The following ZBTB7C variants were observed in gnomAD, a reference collection of about 807,000 sequenced individuals.
ZBTB7C encodes the protein zinc finger and BTB domain containing 7C.
ZBTB7C carries 8 observed loss-of-function variants against 25.7 expected under a neutral mutation model. The observed-to-expected ratio is 0.31, with a 90% confidence interval of 0.18 to 0.56. ZBTB7C has a LOEUF of 0.56. ZBTB7C is among the 20% of genes least tolerant of loss of function. The probability of loss-of-function intolerance (pLI) is 0.91; values close to 1 mark genes in which losing one functional copy is unlikely to be tolerated. For synonymous variants in ZBTB7C, 394 were observed against 369.0 expected (o/e 1.07, Z -0.78); for missense variants, 824 against 855.2 (o/e 0.96, Z 0.46).
At position 48,027,013 on chromosome 18, in the gene ZBTB7C, G is replaced by C. The variant is rs2035545726; in HGVS notation, c.*2247C>G. The C allele has an allele frequency of 6.6e-6, 1 of 151,040 alleles. No individual in the cohort carries two copies. Among genetic ancestry groups the C allele is most frequent in the Non-Finnish European group, 1.5e-5 (1 of 67,936 alleles). 9.4% of individuals were successfully genotyped at this position (151,040 alleles called of 1,614,324 possible). On this transcript the variant is annotated 3_prime_UTR_variant, in exon 5 of 5. Transcript: ENST00000590800. ...GAATCACTAAGGCAAACTTTGTTGA[G>C]TGTCATTTTACGTAGAGCAATCACA...
rs138170542 is a variant in ZBTB7C, at chr18:48,116,423, G to A, written c.-17+69511C>T. Among the ~76,000 whole-genome samples the A allele has an allele frequency of 2.6e-4, 40 of 152,312 alleles. No homozygotes were observed. In the East Asian group the frequency reaches 7.7e-3, roughly 29 times the overall value. On this transcript the variant is annotated intron_variant, in intron 3 of 4. Transcript: ENST00000590800. ...CAGCCTCTTCCCAGGACCTACCAGC[G>A]ATGGCATTTGGAGAGCCATCCCATG...
intron 2 of ZBTB7C, among the ~76,000 whole-genome samples, chr18:48,208,296 G>C (rs2042626595): frequency 6.6e-6 from 1 of 152,120 alleles, no homozygotes; most frequent in Non-Finnish European, 1.5e-5. Flanking sequence ...TACTTTTGGA[G>C]TGTGAGTCAG....
chr18:48,050,802 T>C (rs2036656141), intron 3 of ZBTB7C, among the ~76,000 whole-genome samples: 1 of 152,118 alleles, frequency 6.6e-6, no homozygotes, highest in African/African-American at 2.4e-5. Context: ...CACTCAAGTC[T>C]CTGCTTCATG....
intron 2 of ZBTB7C, among the ~76,000 whole-genome samples, chr18:48,308,114 T>C (rs924335801): frequency 6.6e-6 from 1 of 152,200 alleles, no homozygotes; most frequent in Non-Finnish European, 1.5e-5. Context: ...CAGCCATGTA[T>C]GGCCATGTGA....
chr18:48,173,521 C>T (rs780473614), intron 3 of ZBTB7C, among the ~76,000 whole-genome samples: 11 of 152,186 alleles, frequency 7.2e-5, no homozygotes, highest in South Asian at 2.1e-4. Context: ...ATGATACGTC[C>T]CCCCTTCCCA....
rs186538004 is a variant in ZBTB7C at position 48,142,506 on chromosome 18, G to A, written c.-17+43428C>T. 6.3e-3 allele frequency among the ~76,000 whole-genome samples: 959 copies of A among 152,320 alleles called. 44 individuals are homozygous for A. The highest frequency in any genetic ancestry group is 0.059 in the Admixed American group (910 of 15,308). On this transcript the variant is annotated intron_variant, in intron 3 of 4. Transcript: ENST00000590800. ...GGCTGGCTGCACAGTAGGCTGTGCG[G>A]GGTCCCAGACCTCTGCTCACAGCCT...
chr18:48,315,242 T>A (rs1006304301), intron 2 of ZBTB7C, among the ~76,000 whole-genome samples: 8 of 152,158 alleles, frequency 5.3e-5, no homozygotes. Flanking sequence ...TGGAGTTTGC[T>A]GGGGGTAAAT....
At chr18:48,254,878 A>T (rs561585454) in intron 2 of ZBTB7C, among the ~76,000 whole-genome samples, 1 of 152,158 alleles carries the variant, frequency 6.6e-6, no homozygotes, top group African/African-American at 2.4e-5. Context: ...TCAGGCAATG[A>T]ACCTATTATG....
chr18:48,246,175 G>A (rs60823004), intron 2 of ZBTB7C, among the ~76,000 whole-genome samples: 33,071 of 152,026 alleles, frequency 0.22, 4,093 homozygotes, highest in Admixed American at 0.34. Flanking sequence ...AGCTTAGGCC[G>A]GGCGCGGTGG....
At chr18:48,039,075 T>A (rs1157742907) in intron 4 of ZBTB7C, among the ~76,000 whole-genome samples, 2 of 152,254 alleles carry the variant, frequency 1.3e-5, no homozygotes, top group Non-Finnish European at 2.9e-5. Context: ...AGAGTAGGCA[T>A]ATAACATATG....
At chr18:48,284,795 A>G (rs1229491196) in intron 2 of ZBTB7C, among the ~76,000 whole-genome samples, 1 of 141,300 alleles carries the variant, frequency 7.1e-6, no homozygotes, top group Non-Finnish European at 1.6e-5. Context: ...GGTCTCCAAA[A>G]AAAAAAAAAA....
intron 2 of ZBTB7C, among the ~76,000 whole-genome samples, chr18:48,246,612 A>G (rs2043702853): frequency 6.6e-6 from 1 of 151,972 alleles, no homozygotes; most frequent in African/African-American, 2.4e-5. Flanking sequence ...AAGGACTGCT[A>G]TTTTCTGTAA....
At chr18:48,289,513 A>G (rs2045157232) in intron 2 of ZBTB7C, among the ~76,000 whole-genome samples, 1 of 147,496 alleles carries the variant, frequency 6.8e-6, no homozygotes, top group Non-Finnish European at 1.5e-5. Context: ...TTTTTTTAAC[A>G]CCACAAAACA....
At chr18:48,262,342 C>T (rs940729783) in intron 2 of ZBTB7C, among the ~76,000 whole-genome samples, 1 of 152,156 alleles carries the variant, frequency 6.6e-6, no homozygotes, top group Non-Finnish European at 1.5e-5. Context: ...CATAACCAAG[C>T]AACAGGGGTA....
chr18:48,245,092 G>GTGTGTGTATATATATATATATA (rs1555723392), intron 2 of ZBTB7C, among the ~76,000 whole-genome samples: 1 of 126,294 alleles, frequency 7.9e-6, no homozygotes, highest in African/African-American at 3.2e-5. Context: ...GTGTGTGTGT[G>GTGTGTGTATATATATATATATA]TATATATATA....
At chr18:48,093,125 C>A (rs2038480613) in intron 3 of ZBTB7C, among the ~76,000 whole-genome samples, 1 of 152,204 alleles carries the variant, frequency 6.6e-6, no homozygotes, top group South Asian at 2.1e-4. Flanking sequence ...AGAGGGGAGA[C>A]TGTATTAACA....
chr18:48,204,869 A>G (rs2042542825), intron 2 of ZBTB7C, among the ~76,000 whole-genome samples: 2 of 152,196 alleles, frequency 1.3e-5, no homozygotes, highest in African/African-American at 2.4e-5. Flanking sequence ...GTGTACATTT[A>G]GCCTGCTTTG....
intron 3 of ZBTB7C, among the ~76,000 whole-genome samples, chr18:48,091,668 G>T (rs1162567715): frequency 1.3e-5 from 2 of 152,200 alleles, no homozygotes; most frequent in African/African-American, 4.8e-5. Context: ...CACTGTGCAG[G>T]TGAGGAGACA....
At chr18:48,250,311 C>G (rs975156258) in intron 2 of ZBTB7C, among the ~76,000 whole-genome samples, 1 of 152,190 alleles carries the variant, frequency 6.6e-6, no homozygotes, top group African/African-American at 2.4e-5. Flanking sequence ...CCTGATCTTT[C>G]TGCTAGATCC....
Sources: allele counts gnomAD v4.1 joint callset (sites outside exome capture counted in the v4.1 genomes callset), GRCh38; gene constraint gnomAD v4.1.1; transcripts MANE v1.5; gene names NCBI Gene and HGNC (gene_info 2026-07-23, HGNC 2026-07-21).